The following FBXL17 variants were observed in gnomAD, a reference collection of about 807,000 sequenced individuals.
The protein encoded by FBXL17 is F-box and leucine rich repeat protein 17, also known as F-box/LRR-repeat protein 17.
A neutral mutation model predicts 66.2 loss-of-function variants in FBXL17; 22 were observed. That is an observed-to-expected ratio of 0.33 (90% CI 0.24 to 0.47). FBXL17 has a LOEUF of 0.47. FBXL17 is among the 20% of genes least tolerant of loss of function. FBXL17 has a pLI of 1.00. For missense variants in FBXL17, 878 were observed against 948.2 expected (o/e 0.93, Z 0.97); for synonymous variants, 474 against 400.5 (o/e 1.18, Z -2.19).
At chr5:108,354,817 A>G in intron 3 of FBXL17, among the ~76,000 whole-genome samples, 1 of 152,044 alleles carries the variant, frequency 6.6e-6, no homozygotes, top group South Asian at 2.1e-4. Context: ...AATAAAAATT[A>G]TATCTAACTT....
At chr5:108,181,708 T>C (rs570875043) in intron 6 of FBXL17, among the ~76,000 whole-genome samples, 1 of 152,272 alleles carries the variant, frequency 6.6e-6, no homozygotes, top group South Asian at 2.1e-4. Context: ...GGATAAATCT[T>C]TGTAATAGGT....
At chr5:107,919,610 G>A (rs1038496886) in intron 7 of FBXL17, among the ~76,000 whole-genome samples, 1 of 152,070 alleles carries the variant, frequency 6.6e-6, no homozygotes, top group African/African-American at 2.4e-5. Flanking sequence ...TCTCATCCCT[G>A]TTCCACCAAC....
intron 7 of FBXL17, among the ~76,000 whole-genome samples, chr5:107,946,963 A>C (rs755516545): frequency 1.3e-5 from 2 of 152,090 alleles, no homozygotes; most frequent in Admixed American, 1.3e-4. Context: ...AATTCAAACC[A>C]TGTAAAGGTA....
At chr5:107,898,183 C>T (rs904009021) in intron 7 of FBXL17, among the ~76,000 whole-genome samples, 3 of 151,892 alleles carry the variant, frequency 2.0e-5, no homozygotes, top group Non-Finnish European at 4.4e-5. Flanking sequence ...TGACTTGGAC[C>T]CTTCTATGAA....
intron 4 of FBXL17, among the ~76,000 whole-genome samples, chr5:108,249,754 C>T (rs1276918468): frequency 6.6e-6 from 1 of 152,038 alleles, no homozygotes; most frequent in African/African-American, 2.4e-5. Context: ...ATATAAGCGA[C>T]GTATATTTTC....
intron 7 of FBXL17, among the ~76,000 whole-genome samples, chr5:107,933,667 A>C (rs964015231): frequency 6.6e-6 from 1 of 152,056 alleles, no homozygotes; most frequent in Admixed American, 6.6e-5. Flanking sequence ...TCTTTTTACC[A>C]ATTTGTCTTT....
intron 6 of FBXL17, among the ~76,000 whole-genome samples, chr5:108,142,813 G>A (rs1165023149): frequency 2.6e-5 from 4 of 152,012 alleles, no homozygotes; most frequent in Non-Finnish European, 4.4e-5. Flanking sequence ...CCTCCCGTCA[G>A]ATCAGCAGCA....
chr5:108,017,241 C>T (rs6894641), intron 7 of FBXL17, among the ~76,000 whole-genome samples: 15,423 of 152,170 alleles, frequency 0.1, 2,565 homozygotes, highest in African/African-American at 0.35. Context: ...GAGAAATCTA[C>T]GACAAGAAGG....
intron 7 of FBXL17, among the ~76,000 whole-genome samples, chr5:107,893,553 T>C (rs924292503): frequency 1.3e-5 from 2 of 152,210 alleles, no homozygotes; most frequent in African/African-American, 4.8e-5. Flanking sequence ...TATTATATAA[T>C]CCTCAGGCAC....
chr5:108,377,326 T>C (rs1264451359), intron 1 of FBXL17, among the ~76,000 whole-genome samples: 2 of 152,260 alleles, frequency 1.3e-5, no homozygotes, highest in East Asian at 1.9e-4. Context: ...TTTTAATTTA[T>C]AGCTACTCTT....
In FBXL17 at chr5:108,128,681, T is replaced by A. The variant is rs1750810960; in HGVS notation, c.1745+57436A>T. ...AGAGTCTACAAAACACAGTTAAAAA[T>A]TATGTGAAGATCTACAGCACAATTT... On this transcript the variant is annotated intron_variant, in intron 6 of 8. Coordinates refer to ENST00000542267, the MANE Select transcript of FBXL17 (RefSeq NM_001163315.3). Among the ~76,000 whole-genome samples, 6 of 152,166 alleles carry A rather than the reference T, an allele frequency of 3.9e-5. No homozygotes were observed. The South Asian group carries it at 1.2e-3, about 32-fold the overall frequency.
intron 7 of FBXL17, among the ~76,000 whole-genome samples, chr5:107,939,114 T>C (rs1751009186): frequency 6.6e-6 from 1 of 152,160 alleles, no homozygotes; most frequent in Non-Finnish European, 1.5e-5. Context: ...GAATGATCAT[T>C]ATCATCCTTA....
chr5:108,152,567 T>C (rs963924874), intron 6 of FBXL17, among the ~76,000 whole-genome samples: 2 of 152,224 alleles, frequency 1.3e-5, no homozygotes, highest in African/African-American at 2.4e-5. Context: ...TGTCAGCTGA[T>C]ACAGCATGAA....
At chr5:108,130,238 C>G (rs1481679971) in intron 6 of FBXL17, among the ~76,000 whole-genome samples, 1 of 150,710 alleles carries the variant, frequency 6.6e-6, no homozygotes, top group African/African-American at 2.4e-5. Flanking sequence ...AAAGAAATGA[C>G]AGGAAAAAAA....
At chr5:107,953,301 G>A (rs1751558578) in intron 7 of FBXL17, among the ~76,000 whole-genome samples, 1 of 151,408 alleles carries the variant, frequency 6.6e-6, no homozygotes, top group African/African-American at 2.4e-5. Context: ...TACTCGGGAG[G>A]CTGAGGCAGG....
At chr5:108,237,924 T>C (rs1755679148) in intron 4 of FBXL17, among the ~76,000 whole-genome samples, 1 of 152,222 alleles carries the variant, frequency 6.6e-6, no homozygotes, top group Non-Finnish European at 1.5e-5. Flanking sequence ...AAATATAAAT[T>C]ATACTTATTA....
At chr5:108,058,843 T>C (rs576314978) in intron 6 of FBXL17, among the ~76,000 whole-genome samples, 1 of 152,192 alleles carries the variant, frequency 6.6e-6, no homozygotes, top group Non-Finnish European at 1.5e-5. Context: ...TAAAGCAAGC[T>C]AGTAGAAGGG....
intron 6 of FBXL17, among the ~76,000 whole-genome samples, chr5:108,161,433 C>T (rs138668347): frequency 6.6e-6 from 1 of 152,148 alleles, no homozygotes; most frequent in Admixed American, 6.5e-5. Flanking sequence ...TTGCAGCGAG[C>T]TGAGATCGTG....
chr5:107,971,330 A>G (rs146618848), intron 7 of FBXL17, among the ~76,000 whole-genome samples: 44 of 152,266 alleles, frequency 2.9e-4, no homozygotes, highest in African/African-American at 1.0e-3. Flanking sequence ...AAATAGTTCT[A>G]CTTCCAGCAT....
Sources: allele counts gnomAD v4.1 joint callset (sites outside exome capture counted in the v4.1 genomes callset), GRCh38; gene constraint gnomAD v4.1.1; transcripts MANE v1.5; gene names NCBI Gene and HGNC (gene_info 2026-07-23, HGNC 2026-07-21).